Variants in ATP13A5 observed in about 807,000 individuals in gnomAD.
The protein encoded by ATP13A5 is probable cation-transporting ATPase 13A5.
A neutral mutation model predicts 150.2 loss-of-function variants in ATP13A5; 149 were observed. The observed-to-expected ratio is 0.99, with a 90% CI of 0.87 to 1.14. The LOEUF (loss-of-function observed/expected upper bound fraction) is 1.14, where lower values mean the gene tolerates loss of function less well. Ranked by LOEUF, ATP13A5 falls within the 50% of genes most tolerant of loss-of-function variation. The pLI is 0.00. For synonymous variants in ATP13A5, 497 were observed against 522.2 expected (o/e 0.95, Z 0.66); for missense variants, 1,383 against 1,449.3 (o/e 0.95, Z 0.74).
chr3:193,368,976 T>A (rs1036953419), intron 1 of ATP13A5, among the ~76,000 whole-genome samples: 2 of 152,204 alleles, frequency 1.3e-5, no homozygotes, highest in South Asian at 4.1e-4. Flanking sequence ...GGGCACAGTG[T>A]CTCACACCTG....
At chr3:193,284,514 G>C (rs1395664312) in intron 27 of ATP13A5, among the ~76,000 whole-genome samples, 1 of 152,062 alleles carries the variant, frequency 6.6e-6, no homozygotes, top group Non-Finnish European at 1.5e-5. Flanking sequence ...ACAAATTAAG[G>C]ATACTCCCTC....
intron 11 of ATP13A5, among the ~76,000 whole-genome samples, chr3:193,333,172 A>AACACACACACACAC (rs57775933): frequency 1.4e-5 from 2 of 143,186 alleles, no homozygotes; most frequent in Non-Finnish European, 3.1e-5. Context: ...CACACACACA[A>AACACACACACACAC]ACACACACAC....
intron 1 of ATP13A5, among the ~76,000 whole-genome samples, chr3:193,371,109 G>A (rs943363986): frequency 6.6e-6 from 1 of 152,186 alleles, no homozygotes; most frequent in Non-Finnish European, 1.5e-5. Context: ...ATGATGAGAT[G>A]CCTGGCCCAA....
intron 9 of ATP13A5, among the ~76,000 whole-genome samples, chr3:193,336,411 C>CG (rs1211361333): frequency 6.6e-6 from 1 of 152,118 alleles, no homozygotes; most frequent in Admixed American, 6.5e-5. Flanking sequence ...CGACAGGCCC[C>CG]GGTGTGTGAT....
chr3:193,309,723 G>A (rs1031453830), intron 21 of ATP13A5, among the ~76,000 whole-genome samples: 1 of 152,140 alleles, frequency 6.6e-6, no homozygotes, highest in Non-Finnish European at 1.5e-5. Flanking sequence ...ACAAGGAACT[G>A]AGGTTGGCTT....
intron 22 of ATP13A5, chr3:193,307,059 T>A: frequency 1.0e-6 from 1 of 954,252 alleles, no homozygotes; most frequent in Non-Finnish European, 1.2e-6. Context: ...ACTTGTAAAG[T>A]TCCATCTTTG....
rs1718586482 is a variant in ATP13A5 at position 193,305,686 on chromosome 3, T to C, written c.2569-18A>G. The C allele has an allele frequency of 3.1e-6, 5 of 1,609,320 alleles. No individual in the cohort carries two copies. In the East Asian group the frequency reaches 1.1e-4, roughly 36 times the overall value. On this transcript the variant is annotated intron_variant, in intron 22 of 29. Transcript: ENST00000342358. ...TTCAAAGCCTGGAATGATAAGCCCA[T>C]GTCTCACCCATGACTTTTCAGGTTA...
At position 193,378,647 on chromosome 3, in the gene ATP13A5, T is replaced by C. The variant is rs766568067; in HGVS notation, c.63+16A>G. On this transcript the variant is annotated intron_variant, in intron 1 of 29. Coordinates refer to ENST00000342358, the MANE Select transcript of ATP13A5 (RefSeq NM_198505.4). Reference sequence around the variant, plus strand: ...GGGCTCTTTGAGAAGACTAATAAAATAAAGGGAAGACTCACCAGTTCATCC... The same window carrying C: ...GGGCTCTTTGAGAAGACTAATAAAACAAAGGGAAGACTCACCAGTTCATCC... The C allele has an allele frequency of 7.4e-6, 12 of 1,611,260 alleles. No homozygotes were observed. Among genetic ancestry groups the C allele is most frequent in the East Asian group, 2.2e-5 (1 of 44,870 alleles).
chr3:193,299,104 T>C, intron 25 of ATP13A5, 27 bp downstream of exon 25: 2 of 1,541,974 alleles, frequency 1.3e-6, no homozygotes, highest in Middle Eastern at 1.8e-4. Flanking sequence ...ATAAAAACAA[T>C]ATAGTTTTCT....
intron 12 of ATP13A5, 27 bp downstream of exon 12, chr3:193,331,096 A>C (rs1165148163): frequency 6.2e-7 from 1 of 1,604,180 alleles, no homozygotes; most frequent in Non-Finnish European, 8.5e-7. Flanking sequence ...AATCATTAAC[A>C]TTAAACCTGA....
rs116318325 is a variant in ATP13A5 at position 193,327,852 on chromosome 3, C to T, written c.1462-795G>A. 5.4e-3 allele frequency among the ~76,000 whole-genome samples: 820 copies of T among 152,316 alleles called. 7 individuals carry two copies. The highest frequency in any genetic ancestry group is 0.019 in the African/African-American group (785 of 41,564). On this transcript the variant is annotated intron_variant, in intron 12 of 29. Coordinates refer to ENST00000342358, the MANE Select transcript of ATP13A5 (RefSeq NM_198505.4). The stretch of plus-strand genomic sequence containing the variant: ...ACACCCTGAGTAAGTGAGTTGGCTA[C>T]AGCTAGCTGCTTCAGCACTGCCAGG...
intron 1 of ATP13A5, among the ~76,000 whole-genome samples, 177 bp downstream of exon 1, chr3:193,378,486 G>T (rs1200597966): frequency 6.6e-6 from 1 of 152,218 alleles, no homozygotes. Flanking sequence ...GCCCCTGCAG[G>T]TTTCCCCACA....
Position 193,289,966 on chromosome 3 carries a change from G to T in ATP13A5, c.2942C>A (p.Ser981Tyr), listed in dbSNP as rs747678157. Residue 981 changes from serine (S) to tyrosine (Y), a missense_variant, in exon 26 of 30, where the codon TCC (serine) becomes TAC (tyrosine). By Grantham distance (144) the Ser-to-Tyr change is moderately radical. Around this residue, in one of 3 missense-constraint regions of ATP13A5, gnomAD observed 568 missense variants for 621.5 expected, o/e 0.91. Transcript: ENST00000342358. ...PPLLLSIFLN[S>Y]CFSCIVQISA... ...GATCTGCACAATGCAGGAGAAACAG[G>T]AATTCAAAAATATTGAAAGCAGTAA... 5.0e-6 allele frequency: 8 copies of T among 1,612,780 alleles called. No individual in the cohort carries two copies. The highest frequency in any genetic ancestry group is 5.1e-6 in the Non-Finnish European group (6 of 1,179,286).
At chr3:193,326,294 C>T (rs1449712572) in intron 13 of ATP13A5, among the ~76,000 whole-genome samples, 3 of 152,030 alleles carry the variant, frequency 2.0e-5, no homozygotes, top group Non-Finnish European at 4.4e-5. Context: ...AGGAGATTCA[C>T]CCTCCAGGGG....
At chr3:193,312,811 C>G (rs1464333000) in intron 19 of ATP13A5, 1 of 151,986 alleles carries the variant, frequency 6.6e-6, no homozygotes, top group Non-Finnish European at 1.5e-5. Context: ...GATGACACAC[C>G]CCTCCCTTTC....
chr3:193,275,345 C>A (rs1421808034), intron 29 of ATP13A5, 43 bp from the exon 30 acceptor site: 2 of 1,596,614 alleles, frequency 1.3e-6, no homozygotes, highest in South Asian at 1.1e-5. Flanking sequence ...TTGCGCAGGT[C>A]CCCCTGCAGC....
In ATP13A5 at chr3:193,295,397, C is replaced by G. The variant is rs78458588; in HGVS notation, c.2848+3734G>C. Among the ~76,000 whole-genome samples, 125 of 152,120 alleles carry G rather than the reference C, an allele frequency of 8.2e-4. 2 individuals are homozygous for G. The East Asian group carries it at 0.021, about 25-fold the overall frequency. ...ATGCCTAGTATCTTTCTCCTTTCTC[C>G]ACTGCTATCTCCTCCTTAACCCCAG... On this transcript the variant is annotated intron_variant, in intron 25 of 29. Coordinates refer to ENST00000342358, the MANE Select transcript of ATP13A5 (RefSeq NM_198505.4).
intron 25 of ATP13A5, among the ~76,000 whole-genome samples, chr3:193,291,231 A>G (rs1452995368): frequency 6.6e-6 from 1 of 152,058 alleles, no homozygotes; most frequent in Admixed American, 6.6e-5. Flanking sequence ...TCTATGACTA[A>G]GTCTTTACCT....
intron 15 of ATP13A5, among the ~76,000 whole-genome samples, 188 bp downstream of exon 15, chr3:193,322,303 T>C (rs1402882508): frequency 3.9e-5 from 6 of 152,198 alleles, no homozygotes; most frequent in Admixed American, 3.9e-4. Context: ...CACAATGCCC[T>C]AGCGTACACA....
Sources: allele counts gnomAD v4.1 joint callset (sites outside exome capture counted in the v4.1 genomes callset), GRCh38; gene constraint gnomAD v4.1.1; regional missense constraint gnomAD v4.1.1; transcripts MANE v1.5; gene names NCBI Gene and HGNC (gene_info 2026-07-23, HGNC 2026-07-21).